The following DNAH7 variants were observed in gnomAD, a reference collection of about 807,000 sequenced individuals.
DNAH7 encodes the protein dynein axonemal heavy chain 7.
Under a neutral mutation model 444.6 loss-of-function variants are expected in DNAH7, and 397 were observed. The ratio of observed to expected loss-of-function variants is 0.89; its 90% confidence interval spans 0.82 to 0.97. DNAH7 has a LOEUF of 0.97. Among genes scored for constraint, DNAH7 ranks in the 50% least tolerant of loss-of-function variants. DNAH7 has a pLI of 0.00. For synonymous variants in DNAH7, 1,636 were observed against 1,624.4 expected (o/e 1.01, Z -0.17); for missense variants, 4,902 against 4,800.8 (o/e 1.02, Z -0.62).
rs541595425 is a variant in DNAH7 at position 195,880,585 on chromosome 2, G to T, written c.5961+1210C>A. ...GTCTCAATCTCCTAGTGATCCCCCC[G>T]CCTCGGCCTCCCAAAGTGCTGGGAT... is the stretch of plus-strand genomic sequence containing the variant. On this transcript the variant is annotated intron_variant, in intron 36 of 64. Transcript: ENST00000312428. Among the ~76,000 whole-genome samples, 481 of 152,032 alleles carry T rather than the reference G, an allele frequency of 3.2e-3. 2 individuals are homozygous for T. The highest frequency in any genetic ancestry group is 5.7e-3 in the Non-Finnish European group (385 of 67,944).
intron 27 of DNAH7, chr2:195,904,565 T>C (rs778908739): frequency 1.3e-5 from 2 of 152,190 alleles, no homozygotes; most frequent in African/African-American, 2.4e-5. Context: ...AGCTGAAGAT[T>C]ATATGATTAG....
chr2:196,036,754 C>T (rs1222468743), intron 5 of DNAH7, among the ~76,000 whole-genome samples: 2 of 152,214 alleles, frequency 1.3e-5, no homozygotes, highest in Non-Finnish European at 2.9e-5. Context: ...AAGGACCAAC[C>T]TGCCTTCACT....
At chr2:195,868,893 T>C (rs1286396567) in intron 40 of DNAH7, among the ~76,000 whole-genome samples, 1 of 149,284 alleles carries the variant, frequency 6.7e-6, no homozygotes, top group African/African-American at 2.5e-5. Context: ...ATGATAATGA[T>C]GTCTGGAAAG....
chr2:195,764,128 C>G (rs974945166), intron 61 of DNAH7, among the ~76,000 whole-genome samples: 2 of 151,460 alleles, frequency 1.3e-5, no homozygotes, highest in African/African-American at 4.9e-5. Flanking sequence ...GAATGAAGGA[C>G]AAAAACTGTA....
At chr2:195,897,318 G>A (rs902901795) in intron 29 of DNAH7, among the ~76,000 whole-genome samples, 3 of 152,138 alleles carry the variant, frequency 2.0e-5, no homozygotes, top group Non-Finnish European at 4.4e-5. Context: ...AGTTGAACAA[G>A]CATTTACTAT....
chr2:195,870,409 A>G (rs1422232301), intron 40 of DNAH7, among the ~76,000 whole-genome samples: 2 of 152,328 alleles, frequency 1.3e-5, no homozygotes, highest in African/African-American at 2.4e-5. Flanking sequence ...AAGCCTGCAG[A>G]TAACAGAGAA....
chr2:196,057,796 C>T (rs548421175), intron 2 of DNAH7, among the ~76,000 whole-genome samples: 1 of 152,214 alleles, frequency 6.6e-6, no homozygotes, highest in Non-Finnish European at 1.5e-5. Context: ...CATACCTAGA[C>T]AGCAAATTTT....
At chr2:196,068,600 C>A in intron 1 of DNAH7, 97 bp downstream of exon 1, 2 of 1,507,138 alleles carry the variant, frequency 1.3e-6, no homozygotes, top group Non-Finnish European at 9.0e-7. Flanking sequence ...GGAGTCACAG[C>A]TGGGGAGTTC....
chr2:195,952,759 G>A (rs1002549997), intron 19 of DNAH7, among the ~76,000 whole-genome samples: 5 of 151,266 alleles, frequency 3.3e-5, no homozygotes, highest in African/African-American at 7.3e-5. Flanking sequence ...CAAAGTTCTC[G>A]TGCTGTGTTT....
At chr2:195,795,672 T>C (rs10172876) in intron 56 of DNAH7, 7,006 of 152,392 alleles carry the variant, frequency 0.046, 243 homozygotes, top group African/African-American at 0.095. Flanking sequence ...TTGTCTTGCA[T>C]GCCTTGGGAG....
At chr2:195,988,382 G>C (rs185218023) in intron 12 of DNAH7, among the ~76,000 whole-genome samples, 153 bp from the exon 13 acceptor site, 1 of 152,102 alleles carries the variant, frequency 6.6e-6, no homozygotes, top group African/African-American at 2.4e-5. Context: ...AAAGATATTA[G>C]ACTAATTGCA....
intron 31 of DNAH7, among the ~76,000 whole-genome samples, chr2:195,890,913 G>C (rs1386390774): frequency 6.6e-6 from 1 of 152,186 alleles, no homozygotes; most frequent in African/African-American, 2.4e-5. Flanking sequence ...AGAATGATTT[G>C]ATAAACAACT....
chr2:195,767,194 T>C (rs1694630241), intron 61 of DNAH7, among the ~76,000 whole-genome samples: 1 of 152,134 alleles, frequency 6.6e-6, no homozygotes, highest in South Asian at 2.1e-4. Context: ...CTGTGAGTTA[T>C]TAAGAAGTGT....
chr2:195,809,935 A>G (rs1574475758), intron 51 of DNAH7, 64 bp from the exon 52 acceptor site: 1 of 1,288,044 alleles, frequency 7.8e-7, no homozygotes, highest in East Asian at 3.1e-5. Flanking sequence ...TGCTCTTAAG[A>G]AACTTACATG....
intron 46 of DNAH7, among the ~76,000 whole-genome samples, chr2:195,848,129 C>T (rs973334587): frequency 3.3e-5 from 5 of 152,164 alleles, no homozygotes; most frequent in African/African-American, 9.7e-5. Context: ...TCACAGGTGG[C>T]GCTGGCTGAG....
In DNAH7 at chr2:196,058,370, T is replaced by C. The variant is rs141830007; in HGVS notation, c.16-254A>G. On this transcript the variant is annotated intron_variant, in intron 1 of 64. Coordinates refer to ENST00000312428, the MANE Select transcript of DNAH7 (RefSeq NM_018897.3). ...TCAACACACAAACATCAAATATATATAGGATACGCCAGGAGGGCGATGCAT... is the reference window on the plus strand; with the variant it reads ...TCAACACACAAACATCAAATATATACAGGATACGCCAGGAGGGCGATGCAT... 2.3e-3 allele frequency among the ~76,000 whole-genome samples: 346 copies of C among 152,260 alleles called. 8 individuals carry two copies. In the East Asian group the frequency reaches 0.036, roughly 16 times the overall value.
intron 40 of DNAH7, among the ~76,000 whole-genome samples, chr2:195,868,315 A>C (rs546205647): frequency 6.6e-6 from 1 of 151,104 alleles, no homozygotes; most frequent in African/African-American, 2.4e-5. Context: ...CGATCTCCTG[A>C]CCTCATGATC....
At chr2:195,757,542 A>G (rs1041339768) in intron 61 of DNAH7, among the ~76,000 whole-genome samples, 2 of 152,334 alleles carry the variant, frequency 1.3e-5, no homozygotes, top group Admixed American at 1.3e-4. Context: ...CTAAATACAC[A>G]CATTTCATTT....
At chr2:195,784,013 C>T (rs1695503145) in intron 58 of DNAH7, among the ~76,000 whole-genome samples, 1 of 152,078 alleles carries the variant, frequency 6.6e-6, no homozygotes. Context: ...TGTCCCCATA[C>T]CTGCACAGCC....
Sources: gnomAD v4.1 joint callset for allele counts (sites outside exome capture counted in the v4.1 genomes callset) on GRCh38, gnomAD v4.1.1 for gene constraint, MANE v1.5 for transcripts, NCBI Gene and HGNC (gene_info 2026-07-23, HGNC 2026-07-21) for gene names.